NRXN3: variants seen among roughly 807,000 people sequenced by gnomAD.
The protein encoded by NRXN3 is neurexin III.
NRXN3 carries 32 observed loss-of-function variants against 137.6 expected under a neutral mutation model. The observed-to-expected ratio is 0.23, with a 90% CI of 0.18 to 0.31. The LOEUF is 0.31. Ranked by LOEUF, NRXN3 falls within the 10% of genes least tolerant of loss-of-function variation. The pLI is 1.00. For missense variants in NRXN3, 1,574 were observed against 2,062.5 expected (o/e 0.76, Z 4.59); for synonymous variants, 798 against 784.5 (o/e 1.02, Z -0.29).
chr14:79,094,975 A>AGTGT (rs71131675), intron 15 of NRXN3, among the ~76,000 whole-genome samples: 1,480 of 88,636 alleles, frequency 0.017, 8 homozygotes, highest in East Asian at 0.048. Flanking sequence ...AGAGAGAGAG[A>AGTGT]GAGAGTGTGT....
chr14:79,533,303 G>C (rs1357538925), intron 16 of NRXN3, among the ~76,000 whole-genome samples: 2 of 152,150 alleles, frequency 1.3e-5, no homozygotes, highest in Non-Finnish European at 2.9e-5. Flanking sequence ...AAACAGTGGA[G>C]TCTGCTGTCT....
At chr14:78,714,619 C>G (rs2098423408) in intron 7 of NRXN3, 137 bp from the exon 8 acceptor site, 4 of 1,015,098 alleles carry the variant, frequency 3.9e-6, no homozygotes, top group Non-Finnish European at 5.9e-6. Context: ...TTTCCATTGT[C>G]TTGTAACATC....
chr14:79,002,588 T>C (rs1031227850), intron 15 of NRXN3, among the ~76,000 whole-genome samples: 34 of 151,948 alleles, frequency 2.2e-4, no homozygotes, highest in African/African-American at 8.0e-4. Context: ...GTGGTGTATA[T>C]GTATCACATT....
At chr14:78,619,082 A>G (rs2097373393) in intron 4 of NRXN3, among the ~76,000 whole-genome samples, 1 of 152,088 alleles carries the variant, frequency 6.6e-6, no homozygotes, top group African/African-American at 2.4e-5. Flanking sequence ...TCAGGGAGGG[A>G]GGAGCATCGT....
intron 1 of NRXN3, among the ~76,000 whole-genome samples, chr14:78,207,423 A>C: frequency 6.6e-6 from 1 of 151,876 alleles, no homozygotes; most frequent in Non-Finnish European, 1.5e-5. Context: ...TCTAGCCTTG[A>C]ACTCTCTCAG....
At chr14:79,776,135 A>G (rs2099096422) in intron 19 of NRXN3, among the ~76,000 whole-genome samples, 1 of 152,162 alleles carries the variant, frequency 6.6e-6, no homozygotes, top group African/African-American at 2.4e-5. Context: ...CATTTCCACT[A>G]CAGCTTTCTC....
chr14:78,663,544 T>C (rs1255473518), intron 6 of NRXN3, among the ~76,000 whole-genome samples: 1 of 152,194 alleles, frequency 6.6e-6, no homozygotes, highest in African/African-American at 2.4e-5. Context: ...CGTCTTGAGA[T>C]GGGCAGCACA....
chr14:79,120,046 A>G (rs907357753), intron 15 of NRXN3, among the ~76,000 whole-genome samples: 1 of 152,080 alleles, frequency 6.6e-6, no homozygotes, highest in Non-Finnish European at 1.5e-5. Context: ...CTTTTTCACA[A>G]ACTTAGCTTG....
intron 4 of NRXN3, among the ~76,000 whole-genome samples, chr14:78,401,454 C>A (rs1360745875): frequency 6.6e-6 from 1 of 152,086 alleles, no homozygotes; most frequent in African/African-American, 2.4e-5. Context: ...CGTGAGCCAC[C>A]ACGTCTGGCC....
intron 6 of NRXN3, among the ~76,000 whole-genome samples, chr14:78,702,172 G>A (rs1192761858): frequency 6.6e-6 from 1 of 152,076 alleles, no homozygotes; most frequent in African/African-American, 2.4e-5. Context: ...TGATGTTCAT[G>A]AATATGAATC....
chr14:78,616,973 C>T (rs1290417348), intron 4 of NRXN3, among the ~76,000 whole-genome samples: 1 of 152,172 alleles, frequency 6.6e-6, no homozygotes, highest in Non-Finnish European at 1.5e-5. Context: ...GACTTCCTGG[C>T]TTTCAGTGGG....
intron 15 of NRXN3, among the ~76,000 whole-genome samples, chr14:79,249,916 G>A (rs75988172): frequency 0.052 from 7,862 of 152,178 alleles, 553 homozygotes; most frequent in African/African-American, 0.15. Context: ...ATGACTATAA[G>A]CTTTTCATAA....
intron 10 of NRXN3, among the ~76,000 whole-genome samples, chr14:78,830,134 T>C (rs2098977733): frequency 6.6e-6 from 1 of 152,060 alleles, no homozygotes; most frequent in Non-Finnish European, 1.5e-5. Context: ...GCCCAAGATG[T>C]GTATGGGTGC....
intron 10 of NRXN3, among the ~76,000 whole-genome samples, chr14:78,937,916 C>A (rs2099345256): frequency 6.6e-6 from 1 of 152,172 alleles, no homozygotes; most frequent in Non-Finnish European, 1.5e-5. Flanking sequence ...CCTTAGCAAC[C>A]TACTAGCATT....
At chr14:79,207,120 T>G (rs1424901842) in intron 15 of NRXN3, among the ~76,000 whole-genome samples, 1 of 152,176 alleles carries the variant, frequency 6.6e-6, no homozygotes, top group Admixed American at 6.6e-5. Flanking sequence ...TATTTTCACC[T>G]GCCAGCATCA....
chr14:79,376,497 A>G (rs2094306793), intron 15 of NRXN3, among the ~76,000 whole-genome samples: 1 of 152,016 alleles, frequency 6.6e-6, no homozygotes, highest in African/African-American at 2.4e-5. Flanking sequence ...GAAGCATGGA[A>G]GAGAAAGAAA....
chr14:79,675,167 T>C (rs901948882), intron 17 of NRXN3, among the ~76,000 whole-genome samples: 11 of 152,068 alleles, frequency 7.2e-5, no homozygotes, highest in African/African-American at 2.7e-4. Flanking sequence ...AACCCTGATA[T>C]CTTTATTTAG....
At position 78,998,406 on chromosome 14, in the gene NRXN3, T is replaced by G. The variant is rs565504375; in HGVS notation, c.3262+10265T>G. On this transcript the variant is annotated intron_variant, in intron 15 of 20. Transcript: ENST00000335750. ...AGTGATCTGGCAGTATGTAATATTC[T>G]ACAACTGTTTTATTTATTCATTTAT... Among the ~76,000 whole-genome samples, 4 of 152,306 alleles carry G rather than the reference T, an allele frequency of 2.6e-5. No homozygotes were observed. In the East Asian group the frequency reaches 7.7e-4, roughly 29 times the overall value.
intron 16 of NRXN3, among the ~76,000 whole-genome samples, chr14:79,533,892 G>T (rs761863858): frequency 1.3e-5 from 2 of 152,112 alleles, no homozygotes; most frequent in Non-Finnish European, 2.9e-5. Flanking sequence ...AAAACGCTCA[G>T]CTTACTTAAT....
Sources: allele counts gnomAD v4.1 joint callset (sites outside exome capture counted in the v4.1 genomes callset), GRCh38; gene constraint gnomAD v4.1.1; transcripts MANE v1.5; gene names NCBI Gene and HGNC (gene_info 2026-07-23, HGNC 2026-07-21).